CDC42BPB: variants seen among roughly 807,000 people sequenced by gnomAD.
The protein encoded by CDC42BPB is serine/threonine-protein kinase MRCK beta.
Under a neutral mutation model 214.9 loss-of-function variants are expected in CDC42BPB, and 37 were observed. The ratio of observed to expected loss-of-function variants is 0.17; its 90% CI spans 0.13 to 0.23. The LOEUF (loss-of-function observed/expected upper bound fraction) is 0.23. CDC42BPB is among the 10% of genes least tolerant of loss of function. CDC42BPB has a pLI of 1.00. For synonymous variants in CDC42BPB, 931 were observed against 884.0 expected, an observed-to-expected ratio of 1.05 and a Z score of -0.94; for missense variants, 1,694 against 2,227.0, an observed-to-expected ratio of 0.76 and a Z score of 4.82.
At chr14:103,039,292 CA>C (rs202028122) in intron 1 of CDC42BPB, among the ~76,000 whole-genome samples, 9,808 of 70,710 alleles carry the variant, frequency 0.14, 650 homozygotes, top group African/African-American at 0.31. Flanking sequence ...GATACCAAAC[CA>C]AAAAAAAAAA....
chr14:103,013,932 G>A (rs1037200868), intron 1 of CDC42BPB, among the ~76,000 whole-genome samples: 22 of 152,284 alleles, frequency 1.4e-4, no homozygotes, highest in African/African-American at 4.3e-4. Flanking sequence ...TTGGGAGGCC[G>A]AGGCGGGCGG....
intron 7 of CDC42BPB, 43 bp from the exon 8 acceptor site, chr14:102,981,064 T>C: frequency 1.2e-6 from 2 of 1,612,692 alleles, no homozygotes; most frequent in East Asian, 4.5e-5. Flanking sequence ...GTGGACGCAT[T>C]CAGAGAGTTT....
At chr14:102,976,210 C>T (rs530744279) in intron 9 of CDC42BPB, 161 bp from the exon 10 acceptor site, 6 of 985,404 alleles carry the variant, frequency 6.1e-6, no homozygotes, top group Non-Finnish European at 7.2e-6. Flanking sequence ...AGACAAGTGA[C>T]CAGATGGTCA....
chr14:103,013,961 C>T (rs1886308539), intron 1 of CDC42BPB, among the ~76,000 whole-genome samples: 3 of 152,208 alleles, frequency 2.0e-5, no homozygotes, highest in African/African-American at 7.2e-5. Context: ...GTCAGGAGAT[C>T]AAGACCATCC....
At chr14:102,997,763 T>C (rs968409701) in intron 5 of CDC42BPB, among the ~76,000 whole-genome samples, 12 of 152,216 alleles carry the variant, frequency 7.9e-5, no homozygotes, top group African/African-American at 2.9e-4. Flanking sequence ...ACTACAAGGC[T>C]GCTGTCATAG....
intron 20 of CDC42BPB, among the ~76,000 whole-genome samples, chr14:102,960,898 G>A (rs762318356): frequency 1.3e-5 from 2 of 152,036 alleles, no homozygotes; most frequent in South Asian, 4.1e-4. Context: ...GGTGGCTCAC[G>A]CCTGTAATCC....
rs1893731800 is a variant in CDC42BPB, at chr14:102,976,125, G to A, written c.1221-76C>T. 18 of 1,564,968 alleles carry A rather than the reference G, an allele frequency of 1.2e-5. No homozygotes were observed. In the South Asian group the frequency reaches 1.8e-4, roughly 16 times the overall value. On this transcript the variant is annotated intron_variant, in intron 9 of 36. Transcript: ENST00000361246. ...TCATTAGCATTTTCAATCTTCCTGA[G>A]GTGAAAGATAGTCTTTTTAAATCAG... is the stretch of plus-strand genomic sequence containing the variant.
At chr14:103,018,392 T>C (rs924345864) in intron 1 of CDC42BPB, among the ~76,000 whole-genome samples, 1 of 152,208 alleles carries the variant, frequency 6.6e-6, no homozygotes, top group African/African-American at 2.4e-5. Flanking sequence ...TAGAAGTTCA[T>C]TTGTTGCTAT....
At chr14:102,937,030 A>G (rs867388284) in intron 36 of CDC42BPB, 1 of 152,202 alleles carries the variant, frequency 6.6e-6, no homozygotes, top group East Asian at 1.9e-4. Flanking sequence ...AAAATAAAAA[A>G]AACAAAAAAA....
chr14:103,028,216 G>A (rs916075663), intron 1 of CDC42BPB, among the ~76,000 whole-genome samples: 26 of 152,060 alleles, frequency 1.7e-4, no homozygotes, highest in African/African-American at 6.3e-4. Flanking sequence ...CACATGAGGG[G>A]GTCACAACAG....
rs144033156 is a variant in CDC42BPB at position 102,935,074 on chromosome 14, TCAC to T, written c.5005-1234_5005-1232del. Among the ~76,000 whole-genome samples the T allele has an allele frequency of 5.3e-4, 81 of 151,880 alleles. 1 individual carries two copies. In the East Asian group the frequency reaches 0.011, roughly 21 times the overall value. ...AGCAACAAGGCAAGGATGCCTGCTT[TCAC>T]CACTGCTATTCAACATGGGGCTAGA... On this transcript the variant is annotated intron_variant, in intron 36 of 36. Transcript: ENST00000361246.
intron 5 of CDC42BPB, among the ~76,000 whole-genome samples, chr14:102,988,871 C>CAAAAA (rs34126680): frequency 2.5e-4 from 29 of 116,768 alleles, no homozygotes; most frequent in Non-Finnish European, 3.9e-4. Context: ...CCCCCCCTTC[C>CAAAAA]AAAAAAAAAA....
At position 102,936,422 on chromosome 14, in the gene CDC42BPB, C is replaced by T. The variant is rs144995729; in HGVS notation, c.5004+1682G>A. 5.3e-4 allele frequency among the ~76,000 whole-genome samples: 80 copies of T among 152,238 alleles called. 1 individual carries two copies. In the East Asian group the frequency reaches 0.011, roughly 21 times the overall value. On this transcript the variant is annotated intron_variant, in intron 36 of 36. Coordinates refer to ENST00000361246, the MANE Select transcript of CDC42BPB (RefSeq NM_006035.4). ...AGAGAATATTATTTAGCAATAGAAA[C>T]GCCAGCACTGATGCATGCTACACAA... is the stretch of plus-strand genomic sequence containing the variant.
At chr14:103,032,159 T>C (rs1195350733) in intron 1 of CDC42BPB, among the ~76,000 whole-genome samples, 1 of 151,996 alleles carries the variant, frequency 6.6e-6, no homozygotes, top group Admixed American at 6.6e-5. Flanking sequence ...TCACTTCTCC[T>C]TGTCCCCCTC....
At chr14:102,952,725 GT>G in intron 23 of CDC42BPB, 122 bp from the exon 24 acceptor site, 3 of 1,476,428 alleles carry the variant, frequency 2.0e-6, no homozygotes, top group Middle Eastern at 1.8e-4. Context: ...AAATGTGCAA[GT>G]TCTGGTCTTG....
intron 1 of CDC42BPB, among the ~76,000 whole-genome samples, chr14:103,043,171 G>A (rs986923216): frequency 6.6e-6 from 1 of 152,144 alleles, no homozygotes; most frequent in Non-Finnish European, 1.5e-5. Flanking sequence ...TTGAACCCAA[G>A]AGATGGAGGT....
intron 1 of CDC42BPB, among the ~76,000 whole-genome samples, chr14:103,036,365 C>G (rs1319034696): frequency 6.6e-6 from 1 of 151,936 alleles, no homozygotes; most frequent in Non-Finnish European, 1.5e-5. Context: ...CCATGTTAGC[C>G]AGGATGGTCT....
At position 102,982,201 on chromosome 14, in the gene CDC42BPB, G is replaced by A. The variant is rs552655171; in HGVS notation, c.892-1180C>T. Among the ~76,000 whole-genome samples the A allele has an allele frequency of 1.2e-4, 18 of 152,218 alleles. No homozygotes were observed. The East Asian group carries it at 3.3e-3, about 28-fold the overall frequency. ...TGCATTGTCTGAAGTTTTTATAGGG[G>A]GTATATATTAATTTACAAATAAAAA... is the stretch of plus-strand genomic sequence containing the variant. On this transcript the variant is annotated intron_variant, in intron 7 of 36. Transcript: ENST00000361246.
At chr14:102,978,970 G>A (rs923196321) in intron 8 of CDC42BPB, among the ~76,000 whole-genome samples, 1 of 152,186 alleles carries the variant, frequency 6.6e-6, no homozygotes, top group Non-Finnish European at 1.5e-5. Flanking sequence ...TTGTATCACT[G>A]TATTCCAGCC....
Sources: gnomAD v4.1 joint callset for allele counts (sites outside exome capture counted in the v4.1 genomes callset) on GRCh38, gnomAD v4.1.1 for gene constraint, MANE v1.5 for transcripts, NCBI Gene and HGNC (gene_info 2026-07-23, HGNC 2026-07-21) for gene names.